GLCE: variants seen among roughly 807,000 people sequenced by gnomAD.
GLCE encodes glucuronic acid epimerase.
A neutral mutation model predicts 47.9 loss-of-function variants in GLCE; 19 were observed. The observed-to-expected ratio is 0.40, with a 90% CI of 0.28 to 0.58. The LOEUF (loss-of-function observed/expected upper bound fraction) is 0.58. Ranked by LOEUF, GLCE falls within the 20% of genes least tolerant of loss-of-function variation. GLCE has a pLI of 0.48. For missense variants in GLCE, 556 were observed against 743.3 expected (o/e 0.75, Z 2.93); for synonymous variants, 245 against 263.4 (o/e 0.93, Z 0.68).
At chr15:69,180,894 A>G (rs547811355) in intron 1 of GLCE, among the ~76,000 whole-genome samples, 1 of 152,202 alleles carries the variant, frequency 6.6e-6, no homozygotes, top group African/African-American at 2.4e-5. Flanking sequence ...TGTTGAGAGT[A>G]GGCTAAAGGA....
chr15:69,233,101 A>G (rs2052547435), intron 2 of GLCE, among the ~76,000 whole-genome samples: 2 of 152,200 alleles, frequency 1.3e-5, no homozygotes, highest in Admixed American at 1.3e-4. Flanking sequence ...TCATTTTCCC[A>G]GAAAGGCTGA....
intron 1 of GLCE, among the ~76,000 whole-genome samples, chr15:69,206,956 ATATAT>A (rs2052161045): frequency 1.3e-5 from 2 of 152,178 alleles, no homozygotes; most frequent in Admixed American, 6.6e-5. Context: ...TTTGCTGTAT[ATATAT>A]TATATGTTAA....
At chr15:69,202,500 T>C (rs1293903180) in intron 1 of GLCE, among the ~76,000 whole-genome samples, 1 of 152,136 alleles carries the variant, frequency 6.6e-6, no homozygotes, top group African/African-American at 2.4e-5. Flanking sequence ...CTACCCTTCA[T>C]GGAAAAACTG....
intron 2 of GLCE, among the ~76,000 whole-genome samples, chr15:69,249,081 T>G (rs1411971384): frequency 6.6e-6 from 1 of 152,176 alleles, no homozygotes; most frequent in Non-Finnish European, 1.5e-5. Context: ...GGGTGAGAAC[T>G]GGTATTTTAG....
intron 1 of GLCE, among the ~76,000 whole-genome samples, chr15:69,199,071 G>A (rs2052038814): frequency 6.6e-6 from 1 of 152,050 alleles, no homozygotes. Flanking sequence ...TTTGTAAGAG[G>A]GCTGGTCAAG....
intron 2 of GLCE, among the ~76,000 whole-genome samples, chr15:69,245,949 G>A (rs187625355): frequency 6.6e-6 from 1 of 152,140 alleles, no homozygotes; most frequent in Admixed American, 6.5e-5. Flanking sequence ...GGCTGCTCTC[G>A]AACTCCTTAC....
intron 2 of GLCE, among the ~76,000 whole-genome samples, chr15:69,239,407 C>G (rs2052635271): frequency 3.3e-5 from 5 of 152,158 alleles, no homozygotes; most frequent in Admixed American, 3.3e-4. Context: ...ATGCTCCAGA[C>G]TGCCTATTTC....
At chr15:69,186,338 C>T (rs2051823733) in intron 1 of GLCE, among the ~76,000 whole-genome samples, 1 of 152,066 alleles carries the variant, frequency 6.6e-6, no homozygotes, top group Non-Finnish European at 1.5e-5. Flanking sequence ...AGGCCTCACA[C>T]CCTCAGCATT....
intron 4 of GLCE, among the ~76,000 whole-genome samples, chr15:69,264,047 A>G (rs1004975632): frequency 3.9e-5 from 6 of 152,134 alleles, no homozygotes; most frequent in Non-Finnish European, 1.5e-5. Flanking sequence ...ATTTTAGCAC[A>G]TTTCAGGCAT....
intron 2 of GLCE, among the ~76,000 whole-genome samples, chr15:69,238,752 C>T (rs778346568): frequency 4.6e-5 from 7 of 152,122 alleles, no homozygotes; most frequent in Non-Finnish European, 1.0e-4. Flanking sequence ...TGAAAATGAA[C>T]ATACATAATT....
intron 2 of GLCE, among the ~76,000 whole-genome samples, chr15:69,254,606 A>G (rs367854181): frequency 3.3e-5 from 5 of 152,196 alleles, no homozygotes; most frequent in African/African-American, 1.2e-4. Flanking sequence ...ATTTGAAGGT[A>G]GAACCAACAG....
rs760455779 is a variant in GLCE at position 69,261,339 on chromosome 15, G to A, written c.829+10G>A. 1.9e-6 allele frequency: 3 copies of A among 1,608,796 alleles called. No homozygotes were observed. The highest frequency in any genetic ancestry group is 1.1e-5 in the South Asian group (1 of 90,786). ...CAGTTTATTGCACCAGGTAAGTTAT[G>A]TATTATATGTGCCTGCTAATTTTAT... On this transcript the variant is annotated intron_variant, in intron 4 of 4. Coordinates refer to ENST00000261858, the MANE Select transcript of GLCE (RefSeq NM_015554.3).
chr15:69,212,496 C>T (rs2052246852), intron 2 of GLCE, among the ~76,000 whole-genome samples: 1 of 151,842 alleles, frequency 6.6e-6, no homozygotes, highest in Non-Finnish European at 1.5e-5. Flanking sequence ...TTGATAGTAT[C>T]ATTGAAATTA....
intron 2 of GLCE, among the ~76,000 whole-genome samples, chr15:69,251,611 T>C (rs1595783330): frequency 6.6e-6 from 1 of 152,322 alleles, no homozygotes; most frequent in Non-Finnish European, 1.5e-5. Flanking sequence ...TGTTCTGAAA[T>C]ATGGCTGCTC....
At chr15:69,197,866 T>G (rs2140359746) in intron 1 of GLCE, among the ~76,000 whole-genome samples, 1 of 152,234 alleles carries the variant, frequency 6.6e-6, no homozygotes, top group Middle Eastern at 3.4e-3. Flanking sequence ...ATGTTTAATG[T>G]GACAGGAATA....
intron 3 of GLCE, among the ~76,000 whole-genome samples, chr15:69,260,265 T>G (rs1346424558): frequency 4.9e-5 from 7 of 144,224 alleles, no homozygotes; most frequent in African/African-American, 1.8e-4. Context: ...TTTTTTTTTT[T>G]TTTTTTTTTT....
At chr15:69,264,879 T>C (rs1227178404) in intron 4 of GLCE, among the ~76,000 whole-genome samples, 1 of 152,168 alleles carries the variant, frequency 6.6e-6, no homozygotes, top group Non-Finnish European at 1.5e-5. Context: ...TGCTTATTTT[T>C]TAATCAGATT....
intron 3 of GLCE, among the ~76,000 whole-genome samples, chr15:69,257,431 C>T (rs767665286): frequency 6.6e-6 from 1 of 152,130 alleles, no homozygotes; most frequent in Non-Finnish European, 1.5e-5. Flanking sequence ...CTCGATCTCC[C>T]AGGCTCAAGT....
At chr15:69,250,923 C>G (rs1361619459) in intron 2 of GLCE, among the ~76,000 whole-genome samples, 1 of 151,450 alleles carries the variant, frequency 6.6e-6, no homozygotes, top group Non-Finnish European at 1.5e-5. Flanking sequence ...CTATATTTTT[C>G]AGTTAACAGT....
Sources: allele counts gnomAD v4.1 joint callset (sites outside exome capture counted in the v4.1 genomes callset), GRCh38; gene constraint gnomAD v4.1.1; transcripts MANE v1.5; gene names NCBI Gene and HGNC (gene_info 2026-07-23, HGNC 2026-07-21).